TBC1D22A: variants seen among roughly 807,000 people sequenced by gnomAD.
TBC1D22A encodes the protein putative GTPase activator.
A neutral mutation model predicts 60.2 loss-of-function variants in TBC1D22A; 38 were observed. That is an observed-to-expected ratio of 0.63 (90% CI 0.49 to 0.83). TBC1D22A has a LOEUF of 0.83. TBC1D22A is among the 40% of genes least tolerant of loss of function. The pLI, the probability that TBC1D22A is intolerant of heterozygous loss-of-function variation, is 0.00. For missense variants in TBC1D22A, 628 were observed against 701.0 expected (o/e 0.90, Z 1.18); for synonymous variants, 302 against 281.7 (o/e 1.07, Z -0.72).
chr22:47,075,901 C>T (rs978462554), intron 11 of TBC1D22A, among the ~76,000 whole-genome samples: 1 of 152,030 alleles, frequency 6.6e-6, no homozygotes, highest in Non-Finnish European at 1.5e-5. Context: ...AATAGCTACA[C>T]TGATATCAGA....
At chr22:46,992,399 G>A (rs940918500) in intron 9 of TBC1D22A, among the ~76,000 whole-genome samples, 1 of 152,256 alleles carries the variant, frequency 6.6e-6, no homozygotes, top group Admixed American at 6.5e-5. Context: ...TGCTTGGCAT[G>A]TGCCCAAATG....
chr22:46,956,500 T>C (rs2073199595), intron 8 of TBC1D22A, among the ~76,000 whole-genome samples: 1 of 152,260 alleles, frequency 6.6e-6, no homozygotes, highest in Non-Finnish European at 1.5e-5. Context: ...TAAAGCATTA[T>C]TGGGAGGTTT....
chr22:47,137,454 C>T (rs889971679), intron 12 of TBC1D22A, among the ~76,000 whole-genome samples: 10 of 152,122 alleles, frequency 6.6e-5, no homozygotes, highest in African/African-American at 1.9e-4. Context: ...AGCGAGGAGC[C>T]GAGGACATCC....
chr22:46,854,023 C>T (rs1290411700), intron 4 of TBC1D22A, among the ~76,000 whole-genome samples: 1 of 152,218 alleles, frequency 6.6e-6, no homozygotes, highest in Non-Finnish European at 1.5e-5. Flanking sequence ...CTCCGAGTGT[C>T]CCCTGTGAGT....
At chr22:46,893,100 G>A (rs1027870429) in intron 6 of TBC1D22A, among the ~76,000 whole-genome samples, 10 of 152,236 alleles carry the variant, frequency 6.6e-5, no homozygotes, top group African/African-American at 1.2e-4. Flanking sequence ...AGTGGGCAAT[G>A]CCACCCCTGC....
intron 10 of TBC1D22A, among the ~76,000 whole-genome samples, chr22:47,000,334 G>A (rs549467952): frequency 6.6e-6 from 1 of 152,118 alleles, no homozygotes; most frequent in Non-Finnish European, 1.5e-5. Context: ...AGGGCAGATC[G>A]GAAGAGGGGC....
chr22:46,820,165 C>T (rs59771495), intron 4 of TBC1D22A, among the ~76,000 whole-genome samples: 4,698 of 151,654 alleles, frequency 0.031, 233 homozygotes, highest in African/African-American at 0.1. Flanking sequence ...TCTATTTGTT[C>T]ATTTTTTCAA....
intron 10 of TBC1D22A, among the ~76,000 whole-genome samples, chr22:47,036,167 G>A (rs1971763629): frequency 6.6e-6 from 1 of 152,128 alleles, no homozygotes; most frequent in Non-Finnish European, 1.5e-5. Context: ...GCCCTCAGGT[G>A]CACCTGCGTT....
chr22:47,100,929 T>C (rs1378174742), intron 11 of TBC1D22A, among the ~76,000 whole-genome samples: 2 of 152,178 alleles, frequency 1.3e-5, no homozygotes, highest in Non-Finnish European at 2.9e-5. Context: ...AGTTAGAGCC[T>C]CGGCTGAATG....
At chr22:46,810,752 A>G (rs1392753948) in intron 4 of TBC1D22A, among the ~76,000 whole-genome samples, 4 of 152,200 alleles carry the variant, frequency 2.6e-5, no homozygotes, top group African/African-American at 9.7e-5. Flanking sequence ...CAATAATTAC[A>G]TAATTGGCGA....
At chr22:46,831,772 A>T (rs1215812162) in intron 4 of TBC1D22A, among the ~76,000 whole-genome samples, 1 of 152,246 alleles carries the variant, frequency 6.6e-6, no homozygotes, top group Non-Finnish European at 1.5e-5. Flanking sequence ...ACCTCCAATT[A>T]CCTTTTAGAG....
intron 4 of TBC1D22A, among the ~76,000 whole-genome samples, chr22:46,857,048 TC>T (rs1256732472): frequency 7.2e-5 from 11 of 152,270 alleles, no homozygotes; most frequent in Non-Finnish European, 1.2e-4. Context: ...TGCCTGTGTC[TC>T]CCATGTGTGG....
chr22:47,062,915 C>G (rs2063627754), intron 11 of TBC1D22A, among the ~76,000 whole-genome samples: 1 of 75,550 alleles, frequency 1.3e-5, no homozygotes, highest in Admixed American at 1.7e-4. Flanking sequence ...CCCAGGCCAC[C>G]ATGTGCAACG....
intron 9 of TBC1D22A, among the ~76,000 whole-genome samples, chr22:46,979,988 G>A (rs922002184): frequency 1.3e-5 from 2 of 152,096 alleles, no homozygotes; most frequent in Middle Eastern, 3.4e-3. Flanking sequence ...CACAGCAGAC[G>A]AAGTACAAAC....
chr22:46,842,928 G>A (rs752028212), intron 4 of TBC1D22A, among the ~76,000 whole-genome samples: 1 of 152,210 alleles, frequency 6.6e-6, no homozygotes, highest in African/African-American at 2.4e-5. Flanking sequence ...AGGTGCTGCG[G>A]CCCATGTTCA....
At chr22:47,080,335 C>T (rs1024846490) in intron 11 of TBC1D22A, among the ~76,000 whole-genome samples, 1 of 152,150 alleles carries the variant, frequency 6.6e-6, no homozygotes, top group Non-Finnish European at 1.5e-5. Flanking sequence ...ACATTCTTTG[C>T]AAGTACTCAG....
rs369631826 is a variant in TBC1D22A at position 46,798,199 on chromosome 22, T to C, written c.637+579T>C. Among the ~76,000 whole-genome samples, 38 of 152,356 alleles carry C rather than the reference T, an allele frequency of 2.5e-4. No homozygotes were observed. The East Asian group carries it at 5.8e-3, about 23-fold the overall frequency. ...CCCATTCTGTTTTCCTGTTGTCCCA[T>C]TTGCACTCTTTATTATTGCTGCCCT... On this transcript the variant is annotated intron_variant, in intron 4 of 12. Coordinates refer to ENST00000337137, the MANE Select transcript of TBC1D22A (RefSeq NM_014346.5).
At chr22:47,153,654 C>T (rs975242550) in intron 12 of TBC1D22A, among the ~76,000 whole-genome samples, 1 of 152,086 alleles carries the variant, frequency 6.6e-6, no homozygotes, top group African/African-American at 2.4e-5. Context: ...AGCCGGGAAG[C>T]AGGTGCGTTT....
intron 5 of TBC1D22A, among the ~76,000 whole-genome samples, chr22:46,886,075 T>G (rs61533416): frequency 0.11 from 17,224 of 151,816 alleles, 1,581 homozygotes; most frequent in African/African-American, 0.26. Context: ...GCCTGGCTAA[T>G]TTTTTGTGTT....
Sources: allele counts gnomAD v4.1 joint callset (sites outside exome capture counted in the v4.1 genomes callset), GRCh38; gene constraint gnomAD v4.1.1; transcripts MANE v1.5; gene names NCBI Gene and HGNC (gene_info 2026-07-23, HGNC 2026-07-21).